ZDHHC17: variants seen among roughly 807,000 people sequenced by gnomAD.
ZDHHC17 encodes zDHHC palmitoyltransferase 17.
In ZDHHC17, 40 loss-of-function variants were observed where a neutral mutation model predicts 90.3. The observed-to-expected ratio is 0.44, with a 90% confidence interval of 0.34 to 0.58. ZDHHC17 has a LOEUF of 0.58. Among genes scored for constraint, ZDHHC17 ranks in the 20% least tolerant of loss-of-function variants. The pLI, the probability that ZDHHC17 is intolerant of heterozygous loss-of-function variation, is 0.01. For synonymous variants in ZDHHC17, 235 were observed against 252.4 expected, an observed-to-expected ratio of 0.93 and a Z score of 0.65; for missense variants, 614 against 780.8, an observed-to-expected ratio of 0.79 and a Z score of 2.55.
At chr12:76,849,835 G>A in intron 16 of ZDHHC17, among the ~76,000 whole-genome samples, 1 of 152,148 alleles carries the variant, frequency 6.6e-6, no homozygotes, top group East Asian at 1.9e-4. Context: ...AAAGCAAGCA[G>A]ACCTTTAAAT....
intron 3 of ZDHHC17, among the ~76,000 whole-genome samples, chr12:76,807,828 TATC>T (rs1232509262): frequency 1.3e-5 from 2 of 152,208 alleles, no homozygotes; most frequent in Non-Finnish European, 2.9e-5. Flanking sequence ...TTTAATAAAA[TATC>T]ATTTCCTACG....
chr12:76,815,178 G>A lies in ZDHHC17; in HGVS notation c.576G>A (p.Thr192=), dbSNP rs771351765. ...ATATGATGGATCAGAATGGAATGACGCCTTTAATGTGGGCAGCATATAGAA... is the reference window on the plus strand; with the variant it reads ...ATATGATGGATCAGAATGGAATGACACCTTTAATGTGGGCAGCATATAGAA... The part of the protein sequence containing the change: ...DVDMMDQNGM[T]PLMWAAYRTH... The change falls in exon 6 of 17, where the codon ACG becomes ACA. Residue 192 remains threonine, a synonymous_variant. Coordinates refer to ENST00000426126, the MANE Select transcript of ZDHHC17 (RefSeq NM_015336.4). 28 of 1,567,494 alleles carry A rather than the reference G, an allele frequency of 1.8e-5. No homozygotes were observed. Among genetic ancestry groups the A allele is most frequent in the African/African-American group, 9.4e-5 (7 of 74,076 alleles).
chr12:76,805,543 C>A, intron 3 of ZDHHC17, 104 bp downstream of exon 3: 1 of 1,038,692 alleles, frequency 9.6e-7, no homozygotes, highest in Non-Finnish European at 1.4e-6. Flanking sequence ...AAATTCATGG[C>A]TTTTAGAAGA....
At chr12:76,794,856 T>C (rs1002646517) in intron 1 of ZDHHC17, among the ~76,000 whole-genome samples, 3 of 151,588 alleles carry the variant, frequency 2.0e-5, no homozygotes, top group African/African-American at 4.9e-5. Context: ...AAGAGACTTA[T>C]TTTTATTCTA....
chr12:76,841,628 G>A (rs1157937795), intron 10 of ZDHHC17, among the ~76,000 whole-genome samples: 2 of 151,998 alleles, frequency 1.3e-5, no homozygotes, highest in Non-Finnish European at 2.9e-5. Flanking sequence ...AAATATACGA[G>A]TATGATATCT....
rs531476576 is a variant in ZDHHC17 at position 76,764,733 on chromosome 12, A to G, written c.93+404A>G. 4 of 468,382 alleles carry G rather than the reference A, an allele frequency of 8.5e-6. No individual in the cohort carries two copies. In the East Asian group the frequency reaches 2.0e-4, roughly 23 times the overall value. The allele number at this position is 468,382 out of a possible 1,614,324, so 29.0% of individuals were successfully genotyped here. A position where few individuals can be genotyped will look rare whatever the true frequency, so the allele number is the denominator to read the frequency against. The stretch of plus-strand genomic sequence containing the variant: ...GGTTTTGATTTCTTTTTCCTTCGCC[A>G]GGGTGAATGACGGTATCTATTGCTT... On this transcript the variant is annotated intron_variant, in intron 1 of 16. Transcript: ENST00000426126.
rs1344177105 is a variant in ZDHHC17 at position 76,809,826 on chromosome 12, C to CA, written c.514dup (p.Ile172AsnfsTer29). On this transcript the variant is annotated frameshift_variant, in exon 5 of 17. Coordinates refer to ENST00000426126, the MANE Select transcript of ZDHHC17 (RefSeq NM_015336.4). LOFTEE classifies it high-confidence loss of function. Reference sequence around the variant, plus strand: ...CTGGCTGCTCAGTTCGGACATACCTCAATTGTTGCTTATCTCATAGCAAAA... The same window carrying CA: ...CTGGCTGCTCAGTTCGGACATACCTCAAATTGTTGCTTATCTCATAGCAAAA... 6.2e-7 allele frequency: 1 copy of CA among 1,611,116 alleles called. No individual in the cohort carries two copies. Among genetic ancestry groups the CA allele is most frequent in the Admixed American group, 1.7e-5 (1 of 59,630 alleles).
intron 7 of ZDHHC17, among the ~76,000 whole-genome samples, chr12:76,819,084 A>G (rs1298772546): frequency 6.6e-6 from 1 of 152,182 alleles, no homozygotes; most frequent in Non-Finnish European, 1.5e-5. Flanking sequence ...ATTAGGTGTG[A>G]GGATAAAAGA....
chr12:76,804,596 A>C (rs1952932993), intron 2 of ZDHHC17, among the ~76,000 whole-genome samples: 1 of 152,230 alleles, frequency 6.6e-6, no homozygotes, highest in African/African-American at 2.4e-5. Flanking sequence ...GGGTCAGCCC[A>C]TAAAAGGGAA....
chr12:76,772,238 A>G (rs2137711654), intron 1 of ZDHHC17, among the ~76,000 whole-genome samples: 1 of 152,264 alleles, frequency 6.6e-6, no homozygotes, highest in Admixed American at 6.5e-5. Flanking sequence ...GCTAGGCACT[A>G]GCTAGCTGTG....
intron 10 of ZDHHC17, among the ~76,000 whole-genome samples, chr12:76,835,437 GT>G (rs1479070725): frequency 6.6e-6 from 1 of 151,718 alleles, no homozygotes; most frequent in African/African-American, 2.4e-5. Context: ...GACCTTTTAT[GT>G]TTTTTAATGA....
intron 3 of ZDHHC17, among the ~76,000 whole-genome samples, chr12:76,808,638 A>T (rs907743036): frequency 1.3e-5 from 2 of 152,216 alleles, no homozygotes; most frequent in African/African-American, 4.8e-5. Context: ...GATTTAATCT[A>T]CAGTAATCTT....
intron 2 of ZDHHC17, among the ~76,000 whole-genome samples, chr12:76,801,482 T>C (rs572039797): frequency 6.6e-6 from 1 of 151,670 alleles, no homozygotes; most frequent in African/African-American, 2.4e-5. Flanking sequence ...TGAAACCCCG[T>C]CTCTACTGAA....
intron 7 of ZDHHC17, among the ~76,000 whole-genome samples, chr12:76,819,519 T>C (rs957266656): frequency 2.0e-5 from 3 of 152,226 alleles, no homozygotes; most frequent in African/African-American, 7.2e-5. Context: ...CGCTTTGTGT[T>C]ATAATAATTC....
intron 1 of ZDHHC17, among the ~76,000 whole-genome samples, chr12:76,788,345 A>C (rs1251483689): frequency 6.6e-6 from 1 of 152,216 alleles, no homozygotes; most frequent in African/African-American, 2.4e-5. Context: ...GTACAGTTCA[A>C]CTTTGTACCT....
chr12:76,767,411 A>G (rs2137704816), intron 1 of ZDHHC17, among the ~76,000 whole-genome samples: 1 of 152,348 alleles, frequency 6.6e-6, no homozygotes, highest in Middle Eastern at 3.4e-3. Context: ...CCACTGTTAA[A>G]ACCTTTCTTA....
At position 76,809,836 on chromosome 12, in the gene ZDHHC17, T is replaced by A; in HGVS notation, c.522T>A (p.Ala174=). The A allele has an allele frequency of 3.1e-6, 5 of 1,611,358 alleles. No homozygotes were observed. Among genetic ancestry groups the A allele is most frequent in the Non-Finnish European group, 4.2e-6 (5 of 1,178,716 alleles). The change falls in exon 5 of 17, where the codon GCT becomes GCA. Residue 174 remains alanine (A), a synonymous_variant. Coordinates refer to ENST00000426126, the MANE Select transcript of ZDHHC17 (RefSeq NM_015336.4). ...AAQFGHTSIV[A]YLIAKGQDVD... ...AGTTCGGACATACCTCAATTGTTGC[T>A]TATCTCATAGCAAAAGGACAGGTAA...
At chr12:76,775,111 G>A (rs916959261) in intron 1 of ZDHHC17, among the ~76,000 whole-genome samples, 3 of 152,076 alleles carry the variant, frequency 2.0e-5, no homozygotes, top group Non-Finnish European at 4.4e-5. Flanking sequence ...CACCATGCCC[G>A]GCCTCTTTGT....
intron 1 of ZDHHC17, chr12:76,764,921 A>G (rs564418003): frequency 4.4e-6 from 2 of 452,016 alleles, no homozygotes; most frequent in Admixed American, 2.4e-5. Context: ...ATAGACTTAC[A>G]CTCACATTAG....
Sources: allele counts gnomAD v4.1 joint callset (sites outside exome capture counted in the v4.1 genomes callset), GRCh38; gene constraint gnomAD v4.1.1; transcripts MANE v1.5; gene names NCBI Gene and HGNC (gene_info 2026-07-23, HGNC 2026-07-21).